PLCB2: variants seen among roughly 807,000 people sequenced by gnomAD.
PLCB2 encodes the protein phospholipase C beta 2.
In PLCB2, 115 loss-of-function variants were observed where a neutral mutation model predicts 141.7. The observed-to-expected ratio is 0.81, with a 90% CI of 0.70 to 0.95. PLCB2 has a LOEUF of 0.95. PLCB2 is among the 40% of genes least tolerant of loss of function. The pLI is 0.00. For missense variants in PLCB2, 1,403 were observed against 1,541.1 expected (o/e 0.91, Z 1.50); for synonymous variants, 603 against 595.6 (o/e 1.01, Z -0.18).
intron 21 of PLCB2, 84 bp from the exon 22 acceptor site, chr15:40,292,527 G>A: frequency 1.1e-6 from 1 of 898,148 alleles, no homozygotes; most frequent in Admixed American, 2.3e-5. Context: ...CCAAGGGTCT[G>A]AGTCTGGCAC....
chr15:40,296,537 C>A lies in PLCB2; in HGVS notation c.1584G>T (p.Lys528Asn). 1 of 1,614,022 alleles carries A rather than the reference C, an allele frequency of 6.2e-7. No individual in the cohort carries two copies. The highest frequency in any genetic ancestry group is 8.5e-7 in the Non-Finnish European group (1 of 1,179,946). The change falls in exon 15 of 32, where the codon AAG (lysine) becomes AAT (asparagine). Residue 528 changes from lysine to asparagine, a missense_variant. Physicochemically the swap from Lys to Asn is moderately conservative, Grantham distance 94. This residue lies in a region of PLCB2 where 975 missense variants were observed against 1,141.1 expected (regional missense o/e 0.85). Transcript: ENST00000260402. The stretch of plus-strand genomic sequence containing the variant: ...CCCCACACACCTCATCCGACTGCAT[C>A]TTCTTAATCTCTTCTTCATCCAGGT... ...SGNLDEEEIK[K>N]MQSDEGTAGL... is the part of the protein sequence containing the mutation.
At chr15:40,294,903 G>A (rs2040123946) in intron 18 of PLCB2, 33 bp downstream of exon 18, 2 of 1,613,746 alleles carry the variant, frequency 1.2e-6, no homozygotes, top group Non-Finnish European at 1.7e-6. Context: ...AGGGACCAGG[G>A]AAGGATTCTT....
In PLCB2 at chr15:40,287,972, G is replaced by A. The variant is rs1337880156; in HGVS notation, c.*743C>T. ...AAAATAAATAAACCTCATAAATTCA[G>A]GAGAGCAAATGATGCTGACCTTGTC... On this transcript the variant is annotated 3_prime_UTR_variant, in exon 32 of 32. Coordinates refer to ENST00000260402, the MANE Select transcript of PLCB2 (RefSeq NM_004573.3). The A allele has an allele frequency of 2.0e-6, 2 of 984,174 alleles. No individual in the cohort carries two copies. Among genetic ancestry groups the A allele is most frequent in the Middle Eastern group, 5.2e-4 (1 of 1,936 alleles). 61.0% of individuals were successfully genotyped at this position (984,174 alleles called of 1,614,324 possible). A position where few individuals can be genotyped will look rare whatever the true frequency, so the allele number is the denominator to read the frequency against.
At chr15:40,291,226 C>T (rs779447265) in intron 26 of PLCB2, 39 bp downstream of exon 26, 4 of 1,571,032 alleles carry the variant, frequency 2.5e-6, no homozygotes, top group South Asian at 2.3e-5. Flanking sequence ...TCCTGCGCCA[C>T]CCGCGCTGCA....
chr15:40,301,726 G>C, intron 7 of PLCB2: 1 of 706,476 alleles, frequency 1.4e-6, no homozygotes. Context: ...CCACCACCCA[G>C]GGTAGGGGAT....
intron 1 of PLCB2, among the ~76,000 whole-genome samples, chr15:40,306,968 A>G (rs2040828301): frequency 6.6e-6 from 1 of 152,254 alleles, no homozygotes; most frequent in Non-Finnish European, 1.5e-5. Flanking sequence ...AGGGTGCAGC[A>G]GTGTCTTCCC....
At chr15:40,307,238 C>T (rs985300850) in intron 1 of PLCB2, among the ~76,000 whole-genome samples, 1 of 152,130 alleles carries the variant, frequency 6.6e-6, no homozygotes, top group African/African-American at 2.4e-5. Flanking sequence ...GGAGCGGGGA[C>T]GAGCTCACCT....
intron 29 of PLCB2, 47 bp downstream of exon 29, chr15:40,290,530 C>T (rs770225288): frequency 2.2e-6 from 3 of 1,379,424 alleles, no homozygotes; most frequent in African/African-American, 1.4e-5. Flanking sequence ...CCCCTTTCCA[C>T]CTGAAGTGGG....
intron 19 of PLCB2, 23 bp downstream of exon 19, chr15:40,294,243 A>G (rs202028289): frequency 1.2e-6 from 2 of 1,610,582 alleles, no homozygotes; most frequent in Non-Finnish European, 1.7e-6. Context: ...CCTCCCGGCC[A>G]CTTGTGTGCC....
At position 40,296,886 on chromosome 15, in the gene PLCB2, G is replaced by A. The variant is rs781207549; in HGVS notation, c.1346C>T (p.Pro449Leu). 1 of 1,614,002 alleles carries A rather than the reference G, an allele frequency of 6.2e-7. No individual in the cohort carries two copies. Among genetic ancestry groups the A allele is most frequent in the Non-Finnish European group, 8.5e-7 (1 of 1,179,960 alleles). ...CTTGCCCCTGAGATCCTCAGGGCTGGGCAGGGGGACACCTGGTTTTAGCTA... is the reference window on the plus strand; with the variant it reads ...CTTGCCCCTGAGATCCTCAGGGCTGAGCAGGGGGACACCTGGTTTTAGCTA... ...KFPLKPGVPL[P>L]SPEDLRGKIL... The change falls in exon 14 of 32, where the codon CCC becomes CTC. Residue 449 changes from proline (P) to leucine (L), a missense_variant. Pro to Leu is a moderately conservative substitution (Grantham distance 98). This residue lies in a region of PLCB2 where 975 missense variants were observed against 1,141.1 expected (regional missense o/e 0.85). Transcript: ENST00000260402.
Position 40,288,272 on chromosome 15 carries a change from G to A in PLCB2, c.*443C>T. 1.0e-6 allele frequency: 1 copy of A among 989,470 alleles called. No homozygotes were observed. Among genetic ancestry groups the A allele is most frequent in the South Asian group, 4.7e-5 (1 of 21,376 alleles). 61.3% of individuals were successfully genotyped at this position (989,470 alleles called of 1,614,324 possible). On this transcript the variant is annotated 3_prime_UTR_variant, in exon 32 of 32. Coordinates refer to ENST00000260402, the MANE Select transcript of PLCB2 (RefSeq NM_004573.3). ...GAGTGGACAAGGCCAACTCAGGGCA[G>A]GCCTGATGGGGCCTGGAAGCCTGGG...
chr15:40,305,966 G>T (rs12439923), intron 1 of PLCB2, among the ~76,000 whole-genome samples: 2,446 of 152,296 alleles, frequency 0.016, 240 homozygotes, highest in Admixed American at 0.14. Flanking sequence ...TTGGAGTTTT[G>T]ATTATAGCCA....
rs989320473 is a variant in PLCB2, at chr15:40,288,063, A to T, written c.*652T>A. ...GCCCCCAGGCCTAGGAAGAGGGGTG[A>T]GCCAGGGTCAGGGTGGAACAGCACC... On this transcript the variant is annotated 3_prime_UTR_variant, in exon 32 of 32. Coordinates refer to ENST00000260402, the MANE Select transcript of PLCB2 (RefSeq NM_004573.3). 17 of 985,386 alleles carry T rather than the reference A, an allele frequency of 1.7e-5. No homozygotes were observed. Among genetic ancestry groups the T allele is most frequent in the Non-Finnish European group, 1.2e-6 (1 of 829,972 alleles). The allele number at this position is 985,386 out of a possible 1,614,324, so 61.0% of individuals were successfully genotyped here.
chr15:40,302,110 G>A (rs1421292648), intron 6 of PLCB2, 26 bp downstream of exon 6: 1 of 1,612,476 alleles, frequency 6.2e-7, no homozygotes. Flanking sequence ...GCCCCTGGAA[G>A]CCTGGGGAGG....
intron 7 of PLCB2, 44 bp from the exon 8 acceptor site, chr15:40,299,272 G>T: frequency 7.3e-7 from 1 of 1,376,574 alleles, no homozygotes; most frequent in Non-Finnish European, 1.0e-6. Flanking sequence ...CACCTTCTCA[G>T]AGCTAAGAAC....
chr15:40,288,352 G>A lies in PLCB2; in HGVS notation c.*363C>T. 9.8e-7 allele frequency: 1 copy of A among 1,022,560 alleles called. No homozygotes were observed. Among genetic ancestry groups the A allele is most frequent in the Non-Finnish European group, 1.2e-6 (1 of 854,206 alleles). The allele number at this position is 1,022,560 out of a possible 1,614,324, so 63.3% of individuals were successfully genotyped here. On this transcript the variant is annotated 3_prime_UTR_variant, in exon 32 of 32. Coordinates refer to ENST00000260402, the MANE Select transcript of PLCB2 (RefSeq NM_004573.3). ...GAGTGGGTCCAACCCTCCAGGTGAG[G>A]AAACTGAGCCCAGAGCTGGTTGCTC...
chr15:40,300,533 G>T (rs770206843), intron 7 of PLCB2: 2 of 152,094 alleles, frequency 1.3e-5, no homozygotes, highest in Non-Finnish European at 2.9e-5. Context: ...ATAAACAGAT[G>T]AACAAAATGT....
chr15:40,291,955 C>T (rs1320103849), intron 23 of PLCB2, 31 bp from the exon 24 acceptor site: 2 of 1,612,022 alleles, frequency 1.2e-6, no homozygotes, highest in East Asian at 4.5e-5. Context: ...AGGAAGGTGG[C>T]TTGACAGCCC....
At position 40,294,977 on chromosome 15, in the gene PLCB2, T is replaced by A. The variant is rs774035692; in HGVS notation, c.1865A>T (p.Asn622Ile). ...GAGGGCAACCATCTGGCATCCAGCA[T>A]TCCAGAACATCTGGGGCATGTAGTT... ...SSNYMPQMFW[N>I]AGCQMVALNF... The change falls in exon 18 of 32, where the codon AAT becomes ATT. Residue 622 changes from asparagine to isoleucine, a missense_variant. This residue lies in a region of PLCB2 where 975 missense variants were observed against 1,141.1 expected (regional missense o/e 0.85). Coordinates refer to ENST00000260402, the MANE Select transcript of PLCB2 (RefSeq NM_004573.3). 3 of 1,614,028 alleles carry A rather than the reference T, an allele frequency of 1.9e-6. No homozygotes were observed. The African/African-American group carries it at 4.0e-5, about 22-fold the overall frequency.
Sources: gnomAD v4.1 joint callset for allele counts (sites outside exome capture counted in the v4.1 genomes callset) on GRCh38, gnomAD v4.1.1 for gene constraint, gnomAD v4.1.1 regional missense constraint, MANE v1.5 for transcripts, NCBI Gene and HGNC (gene_info 2026-07-23, HGNC 2026-07-21) for gene names.